Variants in RARB observed in about 807,000 individuals in gnomAD.
RARB encodes retinoic acid receptor beta, also known as HBV-activated protein.
In RARB, 17 loss-of-function variants were observed where a neutral mutation model predicts 51.9. That is an observed-to-expected ratio of 0.33 (90% CI 0.22 to 0.49). The LOEUF is 0.49. RARB is among the 20% of genes least tolerant of loss of function. The pLI, the probability that RARB is intolerant of heterozygous loss-of-function variation, is 0.99. For missense variants in RARB, 369 were observed against 550.8 expected (o/e 0.67, Z 3.30); for synonymous variants, 215 against 195.4 (o/e 1.10, Z -0.84).
At chr3:25,164,224 G>A (rs1700525001) in intron 4 of RARB, among the ~76,000 whole-genome samples, 1 of 152,186 alleles carries the variant, frequency 6.6e-6, no homozygotes, top group African/African-American at 2.4e-5. Context: ...ATGGTCAAGT[G>A]ATCTCACCCG....
At chr3:25,423,255 A>G (rs1055048223) in intron 5 of RARB, among the ~76,000 whole-genome samples, 1 of 152,250 alleles carries the variant, frequency 6.6e-6, no homozygotes, top group East Asian at 1.9e-4. Context: ...ATTGGTGCAC[A>G]TGCCCACAGG....
chr3:25,031,657 C>T (rs957132024), intron 2 of RARB, among the ~76,000 whole-genome samples: 4 of 152,166 alleles, frequency 2.6e-5, no homozygotes, highest in Non-Finnish European at 5.9e-5. Context: ...CTCTATCTAG[C>T]AAGCACTTGG....
In RARB at chr3:25,020,840, G is replaced by A. The variant is rs560019995; in HGVS notation, c.-379-39285G>A. On this transcript the variant is annotated intron_variant, in intron 2 of 11. Coordinates refer to the RARB transcript ENST00000383772. Reference sequence around the variant, plus strand: ...AAAAAGTAACTGGGCGTGGTGGCACGTTGCTGTAATCCCAGGTACTTGGGA... The same window carrying A: ...AAAAAGTAACTGGGCGTGGTGGCACATTGCTGTAATCCCAGGTACTTGGGA... Among the ~76,000 whole-genome samples the A allele has an allele frequency of 5.9e-5, 9 of 152,218 alleles. No individual in the cohort carries two copies. In the South Asian group the frequency reaches 1.0e-3, roughly 18 times the overall value.
At chr3:25,038,968 A>G (rs973400591) in intron 2 of RARB, among the ~76,000 whole-genome samples, 2 of 152,208 alleles carry the variant, frequency 1.3e-5, no homozygotes, top group African/African-American at 4.8e-5. Context: ...ATTCAGGTTC[A>G]GGCTTTGACC....
intron 2 of RARB, among the ~76,000 whole-genome samples, chr3:25,464,132 G>T (rs942968862): frequency 7.2e-5 from 11 of 152,096 alleles, no homozygotes; most frequent in African/African-American, 2.4e-4. Flanking sequence ...CTTTATTTCT[G>T]AAAAATGTTA....
At chr3:25,131,974 G>C (rs924237351) in intron 3 of RARB, among the ~76,000 whole-genome samples, 4 of 151,914 alleles carry the variant, frequency 2.6e-5, no homozygotes, top group Non-Finnish European at 5.9e-5. Context: ...GAACAGGGTG[G>C]GTTGAGGCCA....
intron 3 of RARB, among the ~76,000 whole-genome samples, chr3:25,535,486 G>A (rs979456595): frequency 3.3e-5 from 5 of 149,880 alleles, no homozygotes; most frequent in Non-Finnish European, 7.4e-5. Flanking sequence ...AGGTATACAC[G>A]TGCCATGGTG....
intron 2 of RARB, among the ~76,000 whole-genome samples, chr3:25,481,319 C>G (rs1026744370): frequency 6.6e-6 from 1 of 152,128 alleles, no homozygotes; most frequent in Non-Finnish European, 1.5e-5. Flanking sequence ...TAGCTCAATT[C>G]AGTTTGGAAA....
chr3:25,393,603 G>A (rs1228657853), intron 5 of RARB, among the ~76,000 whole-genome samples: 2 of 151,932 alleles, frequency 1.3e-5, no homozygotes, highest in Non-Finnish European at 2.9e-5. Context: ...ATTTCTTTCT[G>A]GTTTAATCAA....
At chr3:25,066,351 G>A (rs1438892971) in intron 3 of RARB, among the ~76,000 whole-genome samples, 1 of 152,128 alleles carries the variant, frequency 6.6e-6, no homozygotes, top group Non-Finnish European at 1.5e-5. Flanking sequence ...AGGAGAGCAT[G>A]TGTTACTATC....
chr3:25,006,247 A>C (rs551199813), intron 2 of RARB, among the ~76,000 whole-genome samples: 1 of 152,274 alleles, frequency 6.6e-6, no homozygotes, highest in African/African-American at 2.4e-5. Context: ...CTATCTCTCT[A>C]AACTCAACCA....
intron 2 of RARB, among the ~76,000 whole-genome samples, chr3:25,013,785 G>A (rs1697448009): frequency 6.6e-6 from 1 of 152,102 alleles, no homozygotes; most frequent in South Asian, 2.1e-4. Context: ...CTCAAGGGTA[G>A]ACTGGACTAG....
Position 24,973,654 on chromosome 3 carries a change from T to G in RARB, c.-379-86471T>G, listed in dbSNP as rs188444484. ...TTGAAGTGTTTTATAGTTTTCCTTA[T>G]ACAGATCTTTCACATCTTTGGTTAA... On this transcript the variant is annotated intron_variant, in intron 2 of 11. Coordinates refer to the RARB transcript ENST00000383772. Among the ~76,000 whole-genome samples the G allele has an allele frequency of 4.5e-4, 69 of 152,232 alleles. 1 individual carries two copies. The East Asian group carries it at 0.013, about 29-fold the overall frequency.
intron 4 of RARB, among the ~76,000 whole-genome samples, chr3:25,571,676 T>C (rs1448828140): frequency 1.3e-5 from 2 of 152,222 alleles, no homozygotes; most frequent in Admixed American, 1.3e-4. Flanking sequence ...CACACGAATG[T>C]ACTTCAAGTC....
chr3:25,021,969 C>T (rs1380112729), intron 2 of RARB, among the ~76,000 whole-genome samples: 1 of 152,128 alleles, frequency 6.6e-6, no homozygotes, highest in African/African-American at 2.4e-5. Flanking sequence ...TTATTAAAAA[C>T]TGAATTTCCC....
rs571476226 is a variant in RARB at position 25,242,525 on chromosome 3, AC to A, written c.178+67951del. Among the ~76,000 whole-genome samples the A allele has an allele frequency of 8.5e-5, 13 of 152,104 alleles. No homozygotes were observed. In the South Asian group the frequency reaches 2.7e-3, roughly 32 times the overall value. ...GTCCAGTCTCAGTTTTCTGCATATGACTAGCCAGTTTTCCCCATACCATTTA... is the reference window on the plus strand; with the variant it reads ...GTCCAGTCTCAGTTTTCTGCATATGATAGCCAGTTTTCCCCATACCATTTA... On this transcript the variant is annotated intron_variant, in intron 5 of 11. Transcript: ENST00000383772.
intron 5 of RARB, among the ~76,000 whole-genome samples, chr3:25,262,719 C>T (rs1355698521): frequency 6.6e-6 from 1 of 152,188 alleles, no homozygotes; most frequent in Non-Finnish European, 1.5e-5. Flanking sequence ...CCAGGAGAAT[C>T]TTCCTATCTT....
At chr3:24,883,046 G>A (rs991124065) in intron 2 of RARB, among the ~76,000 whole-genome samples, 1 of 152,162 alleles carries the variant, frequency 6.6e-6, no homozygotes, top group Non-Finnish European at 1.5e-5. Flanking sequence ...GTCAAACGGA[G>A]AGTCAGTAAG....
Position 24,989,774 on chromosome 3 carries a change from C to CTTTTTTTT in RARB, c.-379-70322_-379-70315dup, listed in dbSNP as rs769275874. The stretch of plus-strand genomic sequence containing the variant: ...ATTTTAACTGTTGTCATATGTTTTT[C>CTTTTTTTT]TTTTTTTTTTTTTTTTTTTTTTTTT... On this transcript the variant is annotated intron_variant, in intron 2 of 11. Transcript: ENST00000383772. Among the ~76,000 whole-genome samples, 32 of 29,528 alleles carry CTTTTTTTT rather than the reference C, an allele frequency of 1.1e-3. 10 individuals are homozygous for CTTTTTTTT. Among genetic ancestry groups the CTTTTTTTT allele is most frequent in the Non-Finnish European group, 1.5e-3 (25 of 16,226 alleles). The allele number at this position is 29,528 out of a possible 152,430, so 19.4% of individuals were successfully genotyped here.
Sources: allele counts gnomAD v4.1 joint callset (sites outside exome capture counted in the v4.1 genomes callset), GRCh38; gene constraint gnomAD v4.1.1; transcripts MANE v1.5; gene names NCBI Gene and HGNC (gene_info 2026-07-23, HGNC 2026-07-21).